The following PGM5 variants were observed in gnomAD, a reference collection of about 807,000 sequenced individuals.
PGM5 encodes the protein phosphoglucomutase 5, also known as phosphoglucomutase-like protein 5.
Under a neutral mutation model 59.2 loss-of-function variants are expected in PGM5, and 23 were observed. The observed-to-expected ratio is 0.39, with a 90% CI of 0.28 to 0.55. The LOEUF is 0.55. PGM5 is among the 20% of genes least tolerant of loss of function. The probability of loss-of-function intolerance (pLI) is 0.66; values close to 1 mark genes in which losing one functional copy is unlikely to be tolerated. For synonymous variants in PGM5, 214 were observed against 286.0 expected (o/e 0.75, Z 2.54); for missense variants, 574 against 748.3 (o/e 0.77, Z 2.72).
chr9:68,407,216 C>G (rs1822839331), intron 6 of PGM5, among the ~76,000 whole-genome samples: 1 of 152,170 alleles, frequency 6.6e-6, no homozygotes, highest in African/African-American at 2.4e-5. Flanking sequence ...CTACAATGAA[C>G]TTCCAGGCTC....
intron 6 of PGM5, among the ~76,000 whole-genome samples, chr9:68,427,774 A>C (rs1554682775): frequency 6.6e-6 from 1 of 152,180 alleles, no homozygotes; most frequent in African/African-American, 2.4e-5. Flanking sequence ...AATTTACTTA[A>C]GGCTGGATGA....
chr9:68,423,655 GTCTCTCTCTCTCTCTC>G (rs111849049), intron 6 of PGM5, among the ~76,000 whole-genome samples: 13 of 145,822 alleles, frequency 8.9e-5, no homozygotes, highest in South Asian at 2.1e-4. Context: ...CTCTCTCTCT[GTCTCTCTCTCTCTCTC>G]TCTCTCTCTC....
At chr9:68,503,988 T>G (rs1824618447) in intron 10 of PGM5, among the ~76,000 whole-genome samples, 1 of 152,218 alleles carries the variant, frequency 6.6e-6, no homozygotes, top group Non-Finnish European at 1.5e-5. Context: ...TTTGCATTTC[T>G]AACAAGCTCC....
intron 6 of PGM5, among the ~76,000 whole-genome samples, chr9:68,456,342 G>C (rs544999185): frequency 6.7e-6 from 1 of 150,304 alleles, no homozygotes; most frequent in Non-Finnish European, 1.5e-5. Context: ...ACAGAGTCTC[G>C]CTGTGTCACC....
intron 10 of PGM5, among the ~76,000 whole-genome samples, chr9:68,515,846 G>T (rs1554689675): frequency 6.6e-6 from 1 of 152,218 alleles, no homozygotes; most frequent in East Asian, 1.9e-4. Flanking sequence ...ATTGGGACTG[G>T]TATGCTGGTC....
intron 10 of PGM5, among the ~76,000 whole-genome samples, chr9:68,527,962 T>G (rs888825602): frequency 6.6e-6 from 1 of 152,248 alleles, no homozygotes; most frequent in Non-Finnish European, 1.5e-5. Context: ...GATTCTTCTG[T>G]ATCTACATGC....
chr9:68,409,127 C>T (rs1587798446), intron 6 of PGM5, among the ~76,000 whole-genome samples: 1 of 151,644 alleles, frequency 6.6e-6, no homozygotes, highest in African/African-American at 2.4e-5. Context: ...TGAAAAAATG[C>T]TCATCATCAC....
intron 7 of PGM5, among the ~76,000 whole-genome samples, chr9:68,470,107 C>T (rs782035898): frequency 1.3e-5 from 2 of 152,140 alleles, no homozygotes; most frequent in African/African-American, 2.4e-5. Flanking sequence ...TAGCTAACAA[C>T]ATGCTTCTAG....
At chr9:68,478,168 C>A (rs1175824139) in intron 7 of PGM5, among the ~76,000 whole-genome samples, 1 of 152,206 alleles carries the variant, frequency 6.6e-6, no homozygotes, top group Admixed American at 6.5e-5. Context: ...GGCTAACAGA[C>A]AGATACCCAA....
At chr9:68,360,293 T>A (rs1340750979) in intron 1 of PGM5, among the ~76,000 whole-genome samples, 5 of 151,528 alleles carry the variant, frequency 3.3e-5, no homozygotes, top group African/African-American at 1.2e-4. Flanking sequence ...GTATAAAAAA[T>A]TTTATAAATT....
intron 6 of PGM5, among the ~76,000 whole-genome samples, chr9:68,460,157 G>T (rs13439981): frequency 0.029 from 4,486 of 152,292 alleles, 162 homozygotes; most frequent in East Asian, 0.085. Flanking sequence ...TCACACACTT[G>T]ATATGATCAG....
intron 6 of PGM5, among the ~76,000 whole-genome samples, chr9:68,431,346 AG>A (rs1239231834): frequency 1.3e-5 from 2 of 152,196 alleles, no homozygotes; most frequent in African/African-American, 4.8e-5. Context: ...GGAACCCAGG[AG>A]TCAAGTTGGG....
intron 6 of PGM5, among the ~76,000 whole-genome samples, chr9:68,424,767 A>T (rs373596554): frequency 6.6e-6 from 1 of 152,186 alleles, no homozygotes; most frequent in African/African-American, 2.4e-5. Context: ...TTTCCCAAAC[A>T]TATTTGACCA....
chr9:68,405,186 A>T (rs1290739777), intron 6 of PGM5: 11 of 152,312 alleles, frequency 7.2e-5, no homozygotes, highest in African/African-American at 2.4e-4. Flanking sequence ...TCACTGACTC[A>T]TTGATTCTCT....
chr9:68,489,705 G>A (rs2132097829), intron 9 of PGM5, among the ~76,000 whole-genome samples: 1 of 152,082 alleles, frequency 6.6e-6, no homozygotes, highest in Admixed American at 6.5e-5. Flanking sequence ...GACCTCAAGT[G>A]ATCCGCCCAC....
intron 6 of PGM5, chr9:68,399,302 C>T (rs573343921): frequency 2.6e-5 from 4 of 151,892 alleles, no homozygotes; most frequent in East Asian, 1.9e-4. Context: ...CTCTTCAACA[C>T]GTGTATTCAG....
chr9:68,515,863 C>A lies in PGM5; in HGVS notation c.1615-13704C>A, dbSNP rs1451762941. 2.0e-4 allele frequency among the ~76,000 whole-genome samples: 31 copies of A among 152,186 alleles called. 1 individual carries two copies. The highest frequency in any genetic ancestry group is 2.0e-3 in the Admixed American group (31 of 15,286). Reference sequence around the variant, plus strand: ...TGGGACTGGTATGCTGGTCCACTCACCTGTAGCCTACTTTTCTATTAATAG... The same window carrying A: ...TGGGACTGGTATGCTGGTCCACTCAACTGTAGCCTACTTTTCTATTAATAG... On this transcript the variant is annotated intron_variant, in intron 10 of 10. Transcript: ENST00000396396.
chr9:68,484,073 CG>C, intron 9 of PGM5, 25 bp downstream of exon 9: 1 of 1,605,342 alleles, frequency 6.2e-7, no homozygotes, highest in Non-Finnish European at 8.5e-7. Context: ...ATCACTACAA[CG>C]GGTTATCAGG....
chr9:68,368,114 C>A (rs1300089725), intron 1 of PGM5, among the ~76,000 whole-genome samples: 15 of 151,636 alleles, frequency 9.9e-5, no homozygotes, highest in Non-Finnish European at 1.6e-4. Flanking sequence ...TGCATATAGC[C>A]CCCCCATAAA....
Sources: gnomAD v4.1 joint callset for allele counts (sites outside exome capture counted in the v4.1 genomes callset) on GRCh38, gnomAD v4.1.1 for gene constraint, MANE v1.5 for transcripts, NCBI Gene and HGNC (gene_info 2026-07-23, HGNC 2026-07-21) for gene names.